MIS18A: variants seen among roughly 807,000 people sequenced by gnomAD.
MIS18A encodes the protein protein Mis18-alpha.
Under a neutral mutation model 25.0 loss-of-function variants are expected in MIS18A, and 14 were observed. The observed-to-expected ratio is 0.56, with a 90% CI of 0.37 to 0.88. MIS18A has a LOEUF of 0.88. Ranked by LOEUF, MIS18A falls within the 40% of genes least tolerant of loss-of-function variation. The probability of loss-of-function intolerance (pLI) is 0.00; values close to 1 mark genes in which losing one functional copy is unlikely to be tolerated. For synonymous variants in MIS18A, 134 were observed against 118.6 expected (o/e 1.13, Z -0.84); for missense variants, 292 against 290.8 (o/e 1.00, Z -0.03).
rs143886315 is a variant in MIS18A, at chr21:32,273,172, G to C, written c.401+1658C>G. ...ATACATAGGGCAAAGGTTACAGAAGGGGGACACAGAGCTTCCAAGACCTTT... is the reference window on the plus strand; with the variant it reads ...ATACATAGGGCAAAGGTTACAGAAGCGGGACACAGAGCTTCCAAGACCTTT... On this transcript the variant is annotated intron_variant, in intron 2 of 4. Transcript: ENST00000290130. 1.0e-3 allele frequency among the ~76,000 whole-genome samples: 151 copies of C among 151,398 alleles called. 1 individual carries two copies. The highest frequency in any genetic ancestry group is 3.5e-3 in the African/African-American group (144 of 41,190).
At chr21:32,211,831 T>A in the MIS18A span, among the ~76,000 whole-genome samples, 1 of 152,166 alleles carries the variant, frequency 6.6e-6, no homozygotes, top group South Asian at 2.1e-4. Context: ...CAGCCCAAAT[T>A]ACATAATTTT....
At chr21:32,262,809 G>A in the MIS18A span, among the ~76,000 whole-genome samples, 6 of 152,110 alleles carry the variant, frequency 3.9e-5, no homozygotes, top group Non-Finnish European at 8.8e-5. Context: ...AATGAAATGA[G>A]GCCAGTTCTA....
the MIS18A span, among the ~76,000 whole-genome samples, chr21:32,241,257 C>T: frequency 1.3e-5 from 2 of 151,412 alleles, no homozygotes; most frequent in African/African-American, 4.9e-5. Context: ...GTGGTTATTA[C>T]GAAAGTAGAA....
chr21:32,248,486 T>C, the MIS18A span, among the ~76,000 whole-genome samples: 2 of 152,200 alleles, frequency 1.3e-5, no homozygotes, highest in South Asian at 2.1e-4. Flanking sequence ...GCTTGTTAAA[T>C]GGAATAGAGC....
At chr21:32,261,231 G>T in the MIS18A span, 1 of 152,184 alleles carries the variant, frequency 6.6e-6, no homozygotes. Flanking sequence ...AAATGTTAAA[G>T]GGGAGAACAA....
downstream of MIS18A, among the ~76,000 whole-genome samples, chr21:32,266,818 C>T (rs1396036543): frequency 6.6e-6 from 1 of 152,218 alleles, no homozygotes; most frequent in African/African-American, 2.4e-5. Context: ...GGACACACTG[C>T]TTCTGGACCC....
At chr21:32,169,886 C>T in the MIS18A span, among the ~76,000 whole-genome samples, 1 of 152,122 alleles carries the variant, frequency 6.6e-6, no homozygotes, top group Middle Eastern at 3.2e-3. Context: ...AACAACAAAA[C>T]TTGAAGAGCA....
chr21:32,255,706 G>C, the MIS18A span, among the ~76,000 whole-genome samples: 1 of 151,486 alleles, frequency 6.6e-6, no homozygotes. Flanking sequence ...TGGCTAACAC[G>C]GTGAAACCCC....
chr21:32,253,453 C>T, the MIS18A span, among the ~76,000 whole-genome samples: 1 of 147,804 alleles, frequency 6.8e-6, no homozygotes, highest in Non-Finnish European at 1.5e-5. Flanking sequence ...TCATTATTAA[C>T]ATATTTTTGT....
chr21:32,178,616 T>C, the MIS18A span, among the ~76,000 whole-genome samples: 2 of 152,346 alleles, frequency 1.3e-5, no homozygotes, highest in Admixed American at 6.5e-5. Context: ...CAATCTGTCA[T>C]CACTTAATAG....
the MIS18A span, among the ~76,000 whole-genome samples, chr21:32,255,267 A>G: frequency 1.3e-5 from 2 of 150,864 alleles, no homozygotes; most frequent in African/African-American, 2.4e-5. Flanking sequence ...GTCTTGCTCT[A>G]TTGCTCAGGG....
the MIS18A span, chr21:32,156,426 G>A: frequency 6.7e-6 from 1 of 150,042 alleles, no homozygotes; most frequent in African/African-American, 2.5e-5. Context: ...CCATCAGTCC[G>A]GATAAATGCT....
At chr21:32,166,298 G>A in the MIS18A span, among the ~76,000 whole-genome samples, 1 of 152,218 alleles carries the variant, frequency 6.6e-6, no homozygotes, top group Non-Finnish European at 1.5e-5. Flanking sequence ...AATGCAGACA[G>A]TGATAAATTG....
chr21:32,266,981 C>T (rs1238584743), downstream of MIS18A, among the ~76,000 whole-genome samples: 1 of 152,130 alleles, frequency 6.6e-6, no homozygotes, highest in Non-Finnish European at 1.5e-5. Context: ...CACACACACA[C>T]ACACACACAC....
chr21:32,204,844 G>A, the MIS18A span, among the ~76,000 whole-genome samples: 6 of 152,108 alleles, frequency 3.9e-5, no homozygotes, highest in East Asian at 5.8e-4. Flanking sequence ...CCAAGATCAC[G>A]CCACCGCACT....
the MIS18A span, among the ~76,000 whole-genome samples, chr21:32,202,983 G>C: frequency 6.6e-6 from 1 of 151,942 alleles, no homozygotes; most frequent in African/African-American, 2.4e-5. Flanking sequence ...AATTATTTGG[G>C]GTATATGCCC....
the MIS18A span, among the ~76,000 whole-genome samples, chr21:32,213,409 C>A: frequency 6.6e-6 from 1 of 152,118 alleles, no homozygotes; most frequent in Non-Finnish European, 1.5e-5. Context: ...AAAGAAAGTG[C>A]AAAATACTGT....
the MIS18A span, among the ~76,000 whole-genome samples, chr21:32,189,062 T>C: frequency 0.15 from 23,037 of 152,182 alleles, 1,886 homozygotes; most frequent in East Asian, 0.27. Context: ...CACAGTGGCA[T>C]TTCTGGACAA....
chr21:32,187,935 A>T, the MIS18A span, among the ~76,000 whole-genome samples: 1 of 152,122 alleles, frequency 6.6e-6, no homozygotes, highest in Non-Finnish European at 1.5e-5. Flanking sequence ...AGATGAGGTC[A>T]TGAGGGTCGG....
Sources: allele counts gnomAD v4.1 joint callset (sites outside exome capture counted in the v4.1 genomes callset), GRCh38; gene constraint gnomAD v4.1.1; transcripts MANE v1.5; gene names NCBI Gene and HGNC (gene_info 2026-07-23, HGNC 2026-07-21).